The following NUTF2 variants were observed in gnomAD, a reference collection of about 807,000 sequenced individuals.
NUTF2 encodes the protein nuclear transport factor 2, also known as placental protein 15.
NUTF2 carries 3 observed loss-of-function variants against 18.5 expected under a neutral mutation model. The ratio of observed to expected loss-of-function variants is 0.16; its 90% CI spans 0.07 to 0.42. The LOEUF (loss-of-function observed/expected upper bound fraction) is 0.42, where lower values mean the gene tolerates loss of function less well. NUTF2 is among the 10% of genes least tolerant of loss of function. The probability of loss-of-function intolerance (pLI) is 0.99; values close to 1 mark genes in which losing one functional copy is unlikely to be tolerated. For missense variants in NUTF2, 44 were observed against 160.7 expected, an observed-to-expected ratio of 0.27 and a Z score of 3.93; for synonymous variants, 51 against 57.9, an observed-to-expected ratio of 0.88 and a Z score of 0.54.
At chr16:67,853,420 C>T (rs1191689797) in intron 1 of NUTF2, among the ~76,000 whole-genome samples, 7 of 152,076 alleles carry the variant, frequency 4.6e-5, no homozygotes, top group African/African-American at 1.7e-4. Flanking sequence ...TGCAGTGGCA[C>T]GATCTCGGCT....
At chr16:67,851,665 G>C (rs1007932734) in intron 1 of NUTF2, among the ~76,000 whole-genome samples, 1 of 151,634 alleles carries the variant, frequency 6.6e-6, no homozygotes, top group Admixed American at 6.6e-5. Context: ...CGCTACCCCC[G>C]CCCCAGGACA....
chr16:67,847,212 A>C (rs1299962548), intron 1 of NUTF2: 1 of 151,838 alleles, frequency 6.6e-6, no homozygotes, highest in African/African-American at 2.4e-5. Flanking sequence ...CCGGGCGCCT[A>C]TCTGGGCCGT....
At chr16:67,851,655 C>G (rs560629206) in intron 1 of NUTF2, among the ~76,000 whole-genome samples, 1 of 152,084 alleles carries the variant, frequency 6.6e-6, no homozygotes, top group African/African-American at 2.4e-5. Context: ...TATCCCTCCC[C>G]GCTACCCCCG....
In NUTF2 at chr16:67,865,073, CT is replaced by C. The variant is rs1296505862; in HGVS notation, c.-29-27del. On this transcript the variant is annotated intron_variant, in intron 1 of 4. Coordinates refer to ENST00000219169, the MANE Select transcript of NUTF2 (RefSeq NM_005796.3). Reference sequence around the variant, plus strand: ...GTCACCTACTCTCATGGTACCAATGCTTCCCTCCTGGTCTCATTGGTCTTGC... The same window carrying C: ...GTCACCTACTCTCATGGTACCAATGCTCCCTCCTGGTCTCATTGGTCTTGC... The C allele has an allele frequency of 1.0e-5, 12 of 1,171,300 alleles. No individual in the cohort carries two copies. In the Admixed American group the frequency reaches 1.7e-4, roughly 17 times the overall value. The allele number at this position is 1,171,300 out of a possible 1,614,324, so 72.6% of individuals were successfully genotyped here.
chr16:67,859,497 A>G (rs1316263433), intron 1 of NUTF2, among the ~76,000 whole-genome samples: 1 of 151,858 alleles, frequency 6.6e-6, no homozygotes. Flanking sequence ...TTACAGGGAA[A>G]AATTAGCTGC....
Position 67,871,137 on chromosome 16 carries a change from G to C in NUTF2, c.*224G>C. On this transcript the variant is annotated 3_prime_UTR_variant, in exon 5 of 5. Transcript: ENST00000219169. Reference sequence around the variant, plus strand: ...GTTGTACCAGCGCATGCCTTGGAAAGACTTAAGTAATGCAAAAGGTTGTCC... The same window carrying C: ...GTTGTACCAGCGCATGCCTTGGAAACACTTAAGTAATGCAAAAGGTTGTCC... 1 of 311,466 alleles carries C rather than the reference G, an allele frequency of 3.2e-6. No individual in the cohort carries two copies. Among genetic ancestry groups the C allele is most frequent in the Non-Finnish European group, 6.0e-6 (1 of 167,368 alleles). The allele number at this position is 311,466 out of a possible 1,614,324, so 19.3% of individuals were successfully genotyped here.
chr16:67,860,137 G>A (rs1367026115), intron 1 of NUTF2, among the ~76,000 whole-genome samples: 2 of 152,024 alleles, frequency 1.3e-5, no homozygotes, highest in East Asian at 1.9e-4. Context: ...CTGCCACCAC[G>A]CCCAGCTAAT....
intron 4 of NUTF2, chr16:67,870,431 C>T (rs2058003333): frequency 4.9e-6 from 1 of 204,160 alleles, no homozygotes; most frequent in Non-Finnish European, 9.8e-6. Context: ...TTTTTTGATA[C>T]TCTATAAGTT....
At chr16:67,855,864 C>T (rs1268139239) in intron 1 of NUTF2, 4 of 430,936 alleles carry the variant, frequency 9.3e-6, no homozygotes, top group African/African-American at 6.8e-5. Flanking sequence ...GGCTGCATTC[C>T]TTGCCACCCG....
intron 1 of NUTF2, among the ~76,000 whole-genome samples, chr16:67,850,570 C>T (rs986360197): frequency 2.6e-5 from 4 of 152,096 alleles, no homozygotes; most frequent in African/African-American, 9.7e-5. Flanking sequence ...CCTGAGAATT[C>T]GTTAAATGTT....
chr16:67,865,051 A>G, intron 1 of NUTF2, 51 bp from the exon 2 acceptor site: 2 of 905,914 alleles, frequency 2.2e-6, no homozygotes, highest in Non-Finnish European at 3.6e-6. Context: ...GTGGCTGGTC[A>G]CCTACTCTCA....
At chr16:67,867,343 A>G (rs946982693) in intron 2 of NUTF2, among the ~76,000 whole-genome samples, 1 of 152,216 alleles carries the variant, frequency 6.6e-6, no homozygotes, top group Non-Finnish European at 1.5e-5. Flanking sequence ...ATTTATATTT[A>G]TTATTTCATA....
intron 1 of NUTF2, among the ~76,000 whole-genome samples, chr16:67,850,506 G>A (rs977987893): frequency 3.9e-5 from 6 of 152,076 alleles, no homozygotes; most frequent in South Asian, 2.1e-4. Flanking sequence ...GCGCCTGGCC[G>A]TTCCCTGTAA....
chr16:67,870,964 A>G lies in NUTF2; in HGVS notation c.*51A>G, dbSNP rs777431604. ...TGTTTCCTCCTCCCTCCTCTTCCCA[A>G]TACTATTCCCACTCCTCCAGATGCT... On this transcript the variant is annotated 3_prime_UTR_variant, in exon 5 of 5. Transcript: ENST00000219169. 86 of 1,320,412 alleles carry G rather than the reference A, an allele frequency of 6.5e-5. 1 individual carries two copies. The highest frequency in any genetic ancestry group is 1.1e-4 in the South Asian group (9 of 84,760). 81.8% of individuals were successfully genotyped at this position (1,320,412 alleles called of 1,614,324 possible).
chr16:67,856,551 C>T (rs1389016622), intron 1 of NUTF2, among the ~76,000 whole-genome samples: 1 of 149,852 alleles, frequency 6.7e-6, no homozygotes, highest in Non-Finnish European at 1.5e-5. Context: ...TCTCGTTGCC[C>T]AGGCTGGAGT....
At chr16:67,855,838 G>T in intron 1 of NUTF2, 1 of 385,994 alleles carries the variant, frequency 2.6e-6, no homozygotes, top group Non-Finnish European at 4.9e-6. Flanking sequence ...GATTTCATAG[G>T]GGAAGACAAG....
At chr16:67,847,166 T>G (rs2151291629) in intron 1 of NUTF2, 181 bp downstream of exon 1, 1 of 147,928 alleles carries the variant, frequency 6.8e-6, no homozygotes, top group Middle Eastern at 3.4e-3. Context: ...GCCGGTCCTG[T>G]GAGGCGGCGG....
At chr16:67,858,707 G>C (rs754083286) in intron 1 of NUTF2, among the ~76,000 whole-genome samples, 19 of 152,130 alleles carry the variant, frequency 1.2e-4, no homozygotes, top group Non-Finnish European at 2.2e-4. Flanking sequence ...AGCCAGGAGG[G>C]CCAGGTCACC....
At chr16:67,870,457 T>G (rs1375167146) in intron 4 of NUTF2, 2 of 272,450 alleles carry the variant, frequency 7.3e-6, no homozygotes, top group Non-Finnish European at 1.4e-5. Context: ...GTAAATACTA[T>G]GGGATTCGTT....
Sources: gnomAD v4.1 joint callset for allele counts (sites outside exome capture counted in the v4.1 genomes callset) on GRCh38, gnomAD v4.1.1 for gene constraint, MANE v1.5 for transcripts, NCBI Gene and HGNC (gene_info 2026-07-23, HGNC 2026-07-21) for gene names.